CNTN4: variants seen among roughly 807,000 people sequenced by gnomAD.
CNTN4 encodes the protein contactin 4.
CNTN4 carries 77 observed loss-of-function variants against 122.5 expected under a neutral mutation model. The observed-to-expected ratio is 0.63, with a 90% CI of 0.52 to 0.76. CNTN4 has a LOEUF of 0.76. CNTN4 is among the 30% of genes least tolerant of loss of function. The pLI is 0.00. For missense variants in CNTN4, 1,256 were observed against 1,259.1 expected (o/e 1.00, Z 0.04); for synonymous variants, 512 against 447.0 (o/e 1.15, Z -1.83).
chr3:2,602,578 C>T (rs901652265), intron 4 of CNTN4, among the ~76,000 whole-genome samples: 1 of 152,000 alleles, frequency 6.6e-6, no homozygotes, highest in Admixed American at 6.6e-5. Flanking sequence ...CACTGCTCAA[C>T]AAAATAAAAG....
chr3:2,902,106 T>G (rs7635644), intron 11 of CNTN4, among the ~76,000 whole-genome samples: 27,157 of 152,074 alleles, frequency 0.18, 2,631 homozygotes, highest in African/African-American at 0.25. Flanking sequence ...TAATAAAGTG[T>G]CCACTCAGCT....
intron 3 of CNTN4, among the ~76,000 whole-genome samples, chr3:2,533,709 A>G (rs769772801): frequency 3.3e-5 from 5 of 152,188 alleles, no homozygotes; most frequent in Non-Finnish European, 5.9e-5. Context: ...AGGAATCACC[A>G]CAATGTCTTC....
chr3:2,332,761 G>A (rs2043787557), intron 2 of CNTN4, among the ~76,000 whole-genome samples: 1 of 149,956 alleles, frequency 6.7e-6, no homozygotes, highest in African/African-American at 2.5e-5. Context: ...ATAGCTTTAG[G>A]AGATATACCT....
intron 8 of CNTN4, among the ~76,000 whole-genome samples, chr3:2,880,667 A>C (rs2093897788): frequency 6.6e-6 from 1 of 152,206 alleles, no homozygotes. Flanking sequence ...GTAACCGAAC[A>C]TGTCAAGCAT....
At chr3:2,891,473 A>T (rs942117066) in intron 10 of CNTN4, among the ~76,000 whole-genome samples, 3 of 151,906 alleles carry the variant, frequency 2.0e-5, no homozygotes, top group Admixed American at 6.6e-5. Context: ...AAATAATTTG[A>T]TATGATAGAA....
At chr3:2,109,345 C>T (rs928932805) in intron 2 of CNTN4, among the ~76,000 whole-genome samples, 1 of 152,076 alleles carries the variant, frequency 6.6e-6, no homozygotes. Context: ...GCAGTAGAAT[C>T]ACTACTCCAT....
intron 4 of CNTN4, among the ~76,000 whole-genome samples, chr3:2,581,687 G>T (rs1321064909): frequency 1.3e-5 from 2 of 152,126 alleles, no homozygotes; most frequent in South Asian, 2.1e-4. Flanking sequence ...CAAAACAGAA[G>T]TAATTTGCAC....
intron 6 of CNTN4, among the ~76,000 whole-genome samples, chr3:2,758,369 T>C (rs114650697): frequency 0.011 from 1,630 of 152,300 alleles, 27 homozygotes; most frequent in African/African-American, 0.037. Flanking sequence ...TTATATTTCC[T>C]CTTGAATATT....
chr3:2,188,616 C>G (rs2037382713), intron 2 of CNTN4, among the ~76,000 whole-genome samples: 1 of 152,132 alleles, frequency 6.6e-6, no homozygotes, highest in African/African-American at 2.4e-5. Flanking sequence ...GGGAGGGATA[C>G]TCTATAGGCA....
At chr3:2,680,022 T>C (rs888187760) in intron 4 of CNTN4, among the ~76,000 whole-genome samples, 4 of 152,340 alleles carry the variant, frequency 2.6e-5, no homozygotes, top group Admixed American at 2.6e-4. Flanking sequence ...TATTTGACTT[T>C]TTAAAAAAGT....
intron 4 of CNTN4, among the ~76,000 whole-genome samples, chr3:2,718,041 T>C (rs555617217): frequency 1.3e-5 from 2 of 152,314 alleles, no homozygotes; most frequent in South Asian, 2.1e-4. Flanking sequence ...TGTAAGATTC[T>C]TTTCATATGT....
At chr3:2,333,102 G>A (rs1012988037) in intron 2 of CNTN4, among the ~76,000 whole-genome samples, 12 of 152,124 alleles carry the variant, frequency 7.9e-5, no homozygotes, top group African/African-American at 1.2e-4. Flanking sequence ...GACAACTTGT[G>A]AAGCTCAGAA....
At chr3:2,745,836 G>T in intron 6 of CNTN4, 139 bp downstream of exon 6, 1 of 765,250 alleles carries the variant, frequency 1.3e-6, no homozygotes, top group Non-Finnish European at 2.2e-6. Context: ...TTCACATTTT[G>T]GAAACAATTT....
At chr3:2,547,005 C>T (rs1357329757) in intron 3 of CNTN4, among the ~76,000 whole-genome samples, 2 of 151,940 alleles carry the variant, frequency 1.3e-5, no homozygotes, top group African/African-American at 4.8e-5. Context: ...TTAATCTGCA[C>T]CAGAACATCT....
At chr3:2,145,321 A>T (rs1389706687) in intron 2 of CNTN4, among the ~76,000 whole-genome samples, 1 of 152,162 alleles carries the variant, frequency 6.6e-6, no homozygotes, top group African/African-American at 2.4e-5. Context: ...ATCTGAACCC[A>T]TTTAGGGAAT....
At chr3:2,670,576 G>T (rs1423627130) in intron 4 of CNTN4, among the ~76,000 whole-genome samples, 2 of 152,152 alleles carry the variant, frequency 1.3e-5, no homozygotes, top group South Asian at 4.1e-4. Context: ...TTTAATTGGA[G>T]CATTTAGCCC....
intron 6 of CNTN4, among the ~76,000 whole-genome samples, chr3:2,790,427 A>C (rs1473840875): frequency 6.6e-6 from 1 of 152,216 alleles, no homozygotes; most frequent in African/African-American, 2.4e-5. Context: ...AAAGATCTTC[A>C]GGGATAGTCG....
At chr3:2,105,030 G>T (rs185247858) in intron 2 of CNTN4, among the ~76,000 whole-genome samples, 54 of 152,286 alleles carry the variant, frequency 3.5e-4, no homozygotes, top group Admixed American at 6.5e-4. Context: ...CCTGTCCACA[G>T]TAATTGCTTC....
At chr3:2,381,445 G>A (rs1257939677) in intron 3 of CNTN4, among the ~76,000 whole-genome samples, 1 of 152,146 alleles carries the variant, frequency 6.6e-6, no homozygotes, top group Non-Finnish European at 1.5e-5. Context: ...TCTGCACTTA[G>A]GTCTCTTACT....
Sources: gnomAD v4.1 joint callset for allele counts (sites outside exome capture counted in the v4.1 genomes callset) on GRCh38, gnomAD v4.1.1 for gene constraint, MANE v1.5 for transcripts, NCBI Gene and HGNC (gene_info 2026-07-23, HGNC 2026-07-21) for gene names.